The following CADPS variants were observed in gnomAD, a reference collection of about 807,000 sequenced individuals.
The protein encoded by CADPS is calcium-dependent secretion activator 1.
A neutral mutation model predicts 167.3 loss-of-function variants in CADPS; 57 were observed. The observed-to-expected ratio is 0.34, with a 90% CI of 0.28 to 0.42. The LOEUF is 0.42. Ranked by LOEUF, CADPS falls within the 20% of genes least tolerant of loss-of-function variation. The pLI is 1.00. For missense variants in CADPS, 1,414 were observed against 1,738.1 expected (o/e 0.81, Z 3.32); for synonymous variants, 676 against 635.3 (o/e 1.06, Z -0.96).
intron 3 of CADPS, among the ~76,000 whole-genome samples, chr3:62,674,395 A>G (rs942302787): frequency 2.6e-5 from 4 of 152,176 alleles, no homozygotes; most frequent in Non-Finnish European, 5.9e-5. Context: ...TCTATTCATA[A>G]GTCTACCTAC....
intron 21 of CADPS, among the ~76,000 whole-genome samples, chr3:62,485,205 C>T (rs1450052488): frequency 6.6e-6 from 1 of 152,026 alleles, no homozygotes; most frequent in Non-Finnish European, 1.5e-5. Flanking sequence ...AGCTGTAAAG[C>T]CCCCATTGAG....
intron 3 of CADPS, among the ~76,000 whole-genome samples, chr3:62,742,857 G>T (rs1437611553): frequency 1.3e-5 from 2 of 152,106 alleles, no homozygotes; most frequent in South Asian, 4.1e-4. Flanking sequence ...CCGACAGAAT[G>T]GGGAGAATTT....
intron 3 of CADPS, among the ~76,000 whole-genome samples, chr3:62,718,550 T>C (rs1473630261): frequency 1.3e-5 from 2 of 152,218 alleles, no homozygotes; most frequent in Non-Finnish European, 2.9e-5. Flanking sequence ...TGGAGAATCC[T>C]AGATGTTTCC....
At chr3:62,870,529 T>G (rs928436771) in intron 1 of CADPS, among the ~76,000 whole-genome samples, 1 of 152,264 alleles carries the variant, frequency 6.6e-6, no homozygotes, top group African/African-American at 2.4e-5. Flanking sequence ...AGCCATCATT[T>G]CATGGGCAGA....
chr3:62,543,519 TG>T (rs2076026212), intron 11 of CADPS, among the ~76,000 whole-genome samples: 1 of 152,112 alleles, frequency 6.6e-6, no homozygotes, highest in African/African-American at 2.4e-5. Flanking sequence ...CCTTTTAAAA[TG>T]CCTCATCAGA....
intron 3 of CADPS, among the ~76,000 whole-genome samples, chr3:62,751,138 C>A (rs373905013): frequency 6.6e-6 from 1 of 152,108 alleles, no homozygotes. Context: ...GAATAGCCAT[C>A]TCTATATTGT....
intron 20 of CADPS, 78 bp from the exon 21 acceptor site, chr3:62,491,558 A>T (rs5007494): frequency 1.9e-6 from 1 of 525,508 alleles, no homozygotes; most frequent in Non-Finnish European, 3.2e-6. Context: ...CACACACACA[A>T]ACACACACAC....
At chr3:62,664,721 T>C (rs2074082835) in intron 3 of CADPS, among the ~76,000 whole-genome samples, 1 of 152,208 alleles carries the variant, frequency 6.6e-6, no homozygotes, top group African/African-American at 2.4e-5. Context: ...GAGAATTTCG[T>C]CGGAAGATAT....
chr3:62,750,705 C>T (rs961615325), intron 3 of CADPS, among the ~76,000 whole-genome samples: 1 of 152,120 alleles, frequency 6.6e-6, no homozygotes, highest in Non-Finnish European at 1.5e-5. Context: ...TACCTTTTTC[C>T]ATCCTTTGTT....
chr3:62,448,749 G>C (rs1024415675), intron 26 of CADPS, among the ~76,000 whole-genome samples: 1 of 152,026 alleles, frequency 6.6e-6, no homozygotes, highest in East Asian at 1.9e-4. Context: ...GAGTAGCTGG[G>C]ATTACAGGCA....
chr3:62,504,015 C>A (rs2066202657), intron 17 of CADPS, among the ~76,000 whole-genome samples: 1 of 152,048 alleles, frequency 6.6e-6, no homozygotes, highest in Non-Finnish European at 1.5e-5. Flanking sequence ...AATTTTACTG[C>A]AGGCATGTAG....
At chr3:62,454,789 G>T (rs562196961) in intron 26 of CADPS, among the ~76,000 whole-genome samples, 2 of 152,258 alleles carry the variant, frequency 1.3e-5, no homozygotes, top group Middle Eastern at 6.8e-3. Context: ...TGAAAACTGA[G>T]TTGCAGGGCT....
intron 3 of CADPS, among the ~76,000 whole-genome samples, chr3:62,696,701 A>T (rs895013988): frequency 6.6e-6 from 1 of 152,014 alleles, no homozygotes; most frequent in African/African-American, 2.4e-5. Context: ...TATATTGCTA[A>T]CAATTCTTGA....
rs1037921303 is a variant in CADPS at position 62,457,852 on chromosome 3, G to A, written c.3636+7515C>T. 7.2e-5 allele frequency among the ~76,000 whole-genome samples: 11 copies of A among 152,166 alleles called. No homozygotes were observed. The South Asian group carries it at 1.9e-3, about 26-fold the overall frequency. On this transcript the variant is annotated intron_variant, in intron 26 of 29. Transcript: ENST00000383710. ...ACACAAGAACAGAAAACCAAACACC[G>A]CGTTTTCTCATAAGTGGGAGTTGAA...
intron 1 of CADPS, among the ~76,000 whole-genome samples, chr3:62,865,433 CT>C (rs959708356): frequency 1.5e-5 from 2 of 136,800 alleles, no homozygotes; most frequent in African/African-American, 5.4e-5. Context: ...TATCCCAGAA[CT>C]TTTTTACTGC....
At chr3:62,864,123 C>G (rs1181139835) in intron 1 of CADPS, among the ~76,000 whole-genome samples, 1 of 152,160 alleles carries the variant, frequency 6.6e-6, no homozygotes, top group Admixed American at 6.5e-5. Flanking sequence ...GAAGACTTTC[C>G]TAGCAGAAGA....
intron 3 of CADPS, among the ~76,000 whole-genome samples, chr3:62,671,638 G>A (rs1469037398): frequency 1.3e-5 from 2 of 152,120 alleles, no homozygotes; most frequent in African/African-American, 4.8e-5. Flanking sequence ...CTGATACAAA[G>A]CAGTTCTCCC....
At chr3:62,632,775 T>A (rs370670395) in intron 6 of CADPS, among the ~76,000 whole-genome samples, 20 of 152,258 alleles carry the variant, frequency 1.3e-4, no homozygotes, top group East Asian at 9.7e-4. Flanking sequence ...GGAATGCGTT[T>A]ATTTTTTTTG....
intron 4 of CADPS, among the ~76,000 whole-genome samples, chr3:62,655,520 T>C (rs1329268593): frequency 6.6e-6 from 1 of 152,214 alleles, no homozygotes; most frequent in East Asian, 1.9e-4. Context: ...GGGTTATTTA[T>C]GCTCTGAGGG....
Sources: allele counts gnomAD v4.1 joint callset (sites outside exome capture counted in the v4.1 genomes callset), GRCh38; gene constraint gnomAD v4.1.1; transcripts MANE v1.5; gene names NCBI Gene and HGNC (gene_info 2026-07-23, HGNC 2026-07-21).